Variants in RECQL5 observed in about 807,000 individuals in gnomAD.
RECQL5 encodes the protein ATP-dependent DNA helicase Q5.
In RECQL5, 88 loss-of-function variants were observed where a neutral mutation model predicts 103.4. That is an observed-to-expected ratio of 0.85 (90% confidence interval 0.72 to 1.02). The LOEUF (loss-of-function observed/expected upper bound fraction) is 1.02. Ranked by LOEUF, RECQL5 falls within the 50% of genes least tolerant of loss-of-function variation. The probability of loss-of-function intolerance (pLI) is 0.00; values close to 1 mark genes in which losing one functional copy is unlikely to be tolerated. For missense variants in RECQL5, 1,232 were observed against 1,284.3 expected, an observed-to-expected ratio of 0.96 and a Z score of 0.62; for synonymous variants, 552 against 507.9, an observed-to-expected ratio of 1.09 and a Z score of -1.17.
chr17:75,650,206 C>G, intron 8 of RECQL5: 2 of 989,700 alleles, frequency 2.0e-6, no homozygotes, highest in Non-Finnish European at 2.4e-6. Flanking sequence ...CAAGGGTGGT[C>G]CTGGCACTGC....
At chr17:75,634,497 C>G (rs2148255665) in intron 8 of RECQL5, among the ~76,000 whole-genome samples, 1 of 152,338 alleles carries the variant, frequency 6.6e-6, no homozygotes, top group Admixed American at 6.5e-5. Flanking sequence ...CATTTCAGCT[C>G]TTTTATTCAG....
intron 7 of RECQL5, among the ~76,000 whole-genome samples, chr17:75,657,920 C>T (rs1444560664): frequency 6.6e-6 from 1 of 151,980 alleles, no homozygotes; most frequent in African/African-American, 2.4e-5. Flanking sequence ...TGGTGGCATG[C>T]ACCTGTAATC....
chr17:75,647,434 TG>T (rs1200520581), intron 8 of RECQL5: 7 of 1,550,146 alleles, frequency 4.5e-6, no homozygotes, highest in Non-Finnish European at 6.1e-6. Flanking sequence ...GCAGAACCCC[TG>T]GGACCAGGGG....
At chr17:75,630,078 G>T in intron 14 of RECQL5, 106 bp downstream of exon 14, 1 of 1,036,748 alleles carries the variant, frequency 9.6e-7, no homozygotes, top group Non-Finnish European at 1.4e-6. Flanking sequence ...GGGCTGGGGA[G>T]GGTGAGTTCT....
At chr17:75,628,630 C>T (rs376193275) in intron 17 of RECQL5, 42 bp downstream of exon 17, 136 of 1,550,732 alleles carry the variant, frequency 8.8e-5, no homozygotes, top group Non-Finnish European at 1.1e-4. Flanking sequence ...GCCTCGCCCA[C>T]AGCCCTTCTC....
In RECQL5 at chr17:75,666,471, A is replaced by G. The variant is rs2059784106; in HGVS notation, c.87T>C (p.Phe29=). ...TCGCACTCTCCTGTAAAGGCGTCTT[A>G]AAAGAGTCAAACCCAAAGACCTTCT... ...TLKKVFGFDS[F]KTPLQESATM... The change falls in exon 2 of 20, where the codon TTT becomes TTC. Residue 29 remains phenylalanine, a synonymous_variant. Transcript: ENST00000317905. 6.2e-7 allele frequency: 1 copy of G among 1,614,150 alleles called. No homozygotes were observed. Among genetic ancestry groups the G allele is most frequent in the East Asian group, 2.2e-5 (1 of 44,882 alleles).
chr17:75,634,056 A>T, intron 8 of RECQL5: 1 of 985,614 alleles, frequency 1.0e-6, no homozygotes, highest in Non-Finnish European at 1.2e-6. Context: ...CAAAAAAGCC[A>T]GGCAGAGACA....
At chr17:75,644,702 G>A (rs1374434268) in intron 8 of RECQL5, among the ~76,000 whole-genome samples, 4 of 151,972 alleles carry the variant, frequency 2.6e-5, no homozygotes, top group Non-Finnish European at 5.9e-5. Context: ...GGTGGCACAC[G>A]CCTGTGATCC....
chr17:75,653,591 A>G (rs2059581302), intron 7 of RECQL5, among the ~76,000 whole-genome samples: 1 of 152,144 alleles, frequency 6.6e-6, no homozygotes, highest in Non-Finnish European at 1.5e-5. Flanking sequence ...ACTGTGAATT[A>G]TTTAATACAG....
chr17:75,631,767 G>A (rs1388214711), intron 8 of RECQL5, 99 bp from the exon 9 acceptor site: 40 of 1,258,110 alleles, frequency 3.2e-5, no homozygotes, highest in South Asian at 1.8e-4. Context: ...GCACTGCCGC[G>A]TCCGGCACCA....
Position 75,640,334 on chromosome 17 carries a change from T to G in RECQL5, c.1230-8666A>C. ...AGTCATCATCCTTTTCACAGGTTAG[T>G]TGGGGCACTCAGCACCCCATGGCTC... On this transcript the variant is annotated intron_variant, in intron 8 of 19. Transcript: ENST00000317905. The surrounding 1 kb of genome is among the most constrained non-coding windows in gnomAD (Gnocchi z 4.6). The G allele has an allele frequency of 6.5e-7, 1 of 1,543,540 alleles. No individual in the cohort carries two copies. Among genetic ancestry groups the G allele is most frequent in the Non-Finnish European group, 8.8e-7 (1 of 1,142,120 alleles).
intron 13 of RECQL5, 59 bp downstream of exon 13, chr17:75,630,560 C>G: frequency 6.4e-7 from 1 of 1,559,966 alleles, no homozygotes; most frequent in Non-Finnish European, 8.8e-7. Context: ...CAGGGTCCTG[C>G]AGTCTCCAAG....
At chr17:75,647,528 C>G (rs757242304) in intron 8 of RECQL5, 1 of 1,550,352 alleles carries the variant, frequency 6.5e-7, no homozygotes, top group South Asian at 1.2e-5. Flanking sequence ...CTCACTTCCA[C>G]AGAAAACACT....
In RECQL5 at chr17:75,626,866, T is replaced by C. The variant is rs758475059; in HGVS notation, c.*556A>G. The C allele has an allele frequency of 7.7e-6, 3 of 388,544 alleles. No homozygotes were observed. Among genetic ancestry groups the C allele is most frequent in the Non-Finnish European group, 1.5e-5 (3 of 205,954 alleles). The allele number at this position is 388,544 out of a possible 1,614,324, so 24.1% of individuals were successfully genotyped here. A position where few individuals can be genotyped will look rare whatever the true frequency, so the allele number is the denominator to read the frequency against. ...TGGAGAAAAGGGCTGTGTGCACGCC[T>C]GCATGCCCCACAACAACACAACTTT... On this transcript the variant is annotated 3_prime_UTR_variant, in exon 20 of 20. Transcript: ENST00000317905.
In RECQL5 at chr17:75,631,153, G is replaced by A. The variant is rs75303204; in HGVS notation, c.1545C>T (p.Arg515=). 1.8e-4 allele frequency: 298 copies of A among 1,613,730 alleles called. No homozygotes were observed. In the African/African-American group the frequency reaches 3.7e-3, roughly 20 times the overall value. The change falls in exon 10 of 20, where the codon CGC becomes CGT. Residue 515 remains arginine, a synonymous_variant. Transcript: ENST00000317905. ...GCCACTGAGTGCCTCCCCTCACCTT[G>A]CGCAGCTGCATCTGCTTCTGATAGA... is the stretch of plus-strand genomic sequence containing the variant. ...NLFYQKQMQL[R]KGKDPKIEEF... is the part of the protein sequence containing the mutation.
At chr17:75,643,648 C>T (rs1050820413) in intron 8 of RECQL5, among the ~76,000 whole-genome samples, 4 of 152,232 alleles carry the variant, frequency 2.6e-5, no homozygotes, top group Admixed American at 2.6e-4. Flanking sequence ...CAGCAGTTGC[C>T]CCACTGTGGG....
chr17:75,662,495 T>A lies in RECQL5; in HGVS notation c.755A>T (p.Gln252Leu). 1.2e-6 allele frequency: 2 copies of A among 1,613,464 alleles called. No homozygotes were observed. The highest frequency in any genetic ancestry group is 1.7e-6 in the Non-Finnish European group (2 of 1,179,474). ...LKDFCLKALG[Q>L]EADKGLSGCG... ...ATGCCTCACCCCTTTATCAGCCTCC[T>A]GTCCAAGAGCCTTAAGGCAGAAGTC... Residue 252 changes from glutamine (Q) to leucine (L), a missense_variant, in exon 4 of 20, where the codon CAG (glutamine) becomes CTG (leucine). Physicochemically the swap from Gln to Leu is moderately radical, Grantham distance 113. Coordinates refer to ENST00000317905, the MANE Select transcript of RECQL5 (RefSeq NM_004259.7).
chr17:75,643,375 C>A (rs997884879), intron 8 of RECQL5, among the ~76,000 whole-genome samples: 1 of 152,248 alleles, frequency 6.6e-6, no homozygotes, highest in African/African-American at 2.4e-5. Flanking sequence ...CACAGACAGG[C>A]CGAATGGCCG....
chr17:75,667,073 A>C lies in RECQL5; in HGVS notation c.-44T>G, dbSNP rs2059797718. On this transcript the variant is annotated 5_prime_UTR_variant, in exon 1 of 20. Transcript: ENST00000317905. ...ACCGGCCGTGGTCCGCCCAAGAATTAAAGGCTGCTGGCTGGTTCCGGAACT... is the reference window on the plus strand; with the variant it reads ...ACCGGCCGTGGTCCGCCCAAGAATTCAAGGCTGCTGGCTGGTTCCGGAACT... 5.4e-6 allele frequency: 2 copies of C among 372,372 alleles called. No homozygotes were observed. Among genetic ancestry groups the C allele is most frequent in the Non-Finnish European group, 9.8e-6 (2 of 204,726 alleles). 23.1% of individuals were successfully genotyped at this position (372,372 alleles called of 1,614,324 possible). A position where few individuals can be genotyped will look rare whatever the true frequency, so the allele number is the denominator to read the frequency against.
Sources: allele counts gnomAD v4.1 joint callset (sites outside exome capture counted in the v4.1 genomes callset), GRCh38; gene constraint gnomAD v4.1.1; non-coding constraint Gnocchi (gnomAD v3.1); transcripts MANE v1.5; gene names NCBI Gene and HGNC (gene_info 2026-07-23, HGNC 2026-07-21).